The following TEX2 variants were observed in gnomAD, a reference collection of about 807,000 sequenced individuals.
TEX2 encodes the protein testis expressed 2, also known as testis-expressed protein 2.
In TEX2, 53 loss-of-function variants were observed where a neutral mutation model predicts 106.9. The observed-to-expected ratio is 0.50, with a 90% CI of 0.40 to 0.62. The LOEUF (loss-of-function observed/expected upper bound fraction) is 0.62, where lower values mean the gene tolerates loss of function less well. TEX2 is among the 20% of genes least tolerant of loss of function. The probability of loss-of-function intolerance (pLI) is 0.00; values close to 1 mark genes in which losing one functional copy is unlikely to be tolerated. For missense variants in TEX2, 1,207 were observed against 1,379.0 expected, an observed-to-expected ratio of 0.88 and a Z score of 1.98; for synonymous variants, 523 against 534.8, an observed-to-expected ratio of 0.98 and a Z score of 0.30.
chr17:64,243,989 A>G (rs1255773561), intron 1 of TEX2, among the ~76,000 whole-genome samples: 10 of 151,916 alleles, frequency 6.6e-5, no homozygotes, highest in African/African-American at 2.4e-4. Context: ...TTGTATTTTC[A>G]GTAGAGACGG....
At chr17:64,149,200 T>C in intron 11 of TEX2, 109 bp from the exon 12 acceptor site, 1 of 1,263,356 alleles carries the variant, frequency 7.9e-7, no homozygotes, top group Non-Finnish European at 1.1e-6. Context: ...AAAGTACATA[T>C]AAAAACTTGC....
At chr17:64,162,395 AT>A (rs1165771385) in intron 7 of TEX2, among the ~76,000 whole-genome samples, 2 of 152,222 alleles carry the variant, frequency 1.3e-5, no homozygotes, top group African/African-American at 4.8e-5. Context: ...GTTGTATAGT[AT>A]TTCCAGCTTT....
chr17:64,160,691 A>G, intron 8 of TEX2, 110 bp downstream of exon 8: 1 of 1,339,652 alleles, frequency 7.5e-7, no homozygotes, highest in South Asian at 1.4e-5. Context: ...CTTACACAGA[A>G]GCTCACTCAA....
intron 1 of TEX2, among the ~76,000 whole-genome samples, chr17:64,253,207 C>T (rs1163103837): frequency 6.6e-6 from 1 of 152,158 alleles, no homozygotes; most frequent in Non-Finnish European, 1.5e-5. Flanking sequence ...GGTGTGATCA[C>T]AGATCACTGC....
Position 64,195,046 on chromosome 17 carries a change from G to A in TEX2, c.1694C>T (p.Thr565Ile), listed in dbSNP as rs1413107907. ...YNYDPETYHA[T>I]LTHSVFVRLE... ...TCGAACAAAGACTGAATGTGTCAAA[G>A]TCGCATGGTAGGTTTCTGGATCATA... is the stretch of plus-strand genomic sequence containing the variant. The change falls in exon 3 of 12, where the codon ACT becomes ATT. Residue 565 changes from threonine (T) to isoleucine (I), a missense_variant. Transcript: ENST00000584379. This position sits in a 1 kb window ranked among gnomAD's most constrained non-coding sequence, Gnocchi z 4.1. The A allele has an allele frequency of 6.2e-7, 1 of 1,614,168 alleles. No individual in the cohort carries two copies. The highest frequency in any genetic ancestry group is 1.7e-5 in the Admixed American group (1 of 60,030).
Position 64,195,208 on chromosome 17 carries a change from C to A in TEX2, c.1645-113G>T, listed in dbSNP as rs2032430437. On this transcript the variant is annotated intron_variant, in intron 2 of 11. Coordinates refer to ENST00000584379, the MANE Select transcript of TEX2 (RefSeq NM_001288732.2). This position sits in a 1 kb window ranked among gnomAD's most constrained non-coding sequence, Gnocchi z 4.1. The stretch of plus-strand genomic sequence containing the variant: ...ACTGAAACCAAACTTGATCACGACA[C>A]AGATATCAGCTCACCAATGACTACA... 1.1e-6 allele frequency: 1 copy of A among 908,628 alleles called. No individual in the cohort carries two copies. Among genetic ancestry groups the A allele is most frequent in the Non-Finnish European group, 1.7e-6 (1 of 579,196 alleles). The allele number at this position is 908,628 out of a possible 1,614,324, so 56.3% of individuals were successfully genotyped here.
chr17:64,186,782 C>CGACACTGCACTCCAGCCTGGGT (rs1302898196), intron 5 of TEX2, among the ~76,000 whole-genome samples: 4 of 151,960 alleles, frequency 2.6e-5, no homozygotes, highest in African/African-American at 9.7e-5. Flanking sequence ...GCCATGTTCA[C>CGACACTGCACTCCAGCCTGGGT]GACACTGCAC....
chr17:64,188,401 G>A lies in TEX2; in HGVS notation c.2191C>T (p.His731Tyr), dbSNP rs375805658. 3.1e-6 allele frequency: 5 copies of A among 1,614,186 alleles called. No homozygotes were observed. The highest frequency in any genetic ancestry group is 1.7e-5 in the Admixed American group (1 of 60,030). ...CCGGACGGACTGTTGTGTCTGCTGT[G>A]TGCAGGCAAAAGCCCTGGAGCCAAG... ...SGGKPGLLPA[H>Y]SRHNSPSGHL... The change falls in exon 5 of 12, where the codon CAC becomes TAC. Residue 731 changes from histidine to tyrosine, a missense_variant. Transcript: ENST00000584379.
At chr17:64,172,572 C>G (rs528229550) in intron 6 of TEX2, among the ~76,000 whole-genome samples, 6 of 151,990 alleles carry the variant, frequency 3.9e-5, no homozygotes, top group South Asian at 2.1e-4. Context: ...ATTTGTCCCC[C>G]CCATCTACTG....
rs781890190 is a variant in TEX2 at position 64,212,853 on chromosome 17, G to A, written c.1365C>T (p.Val455=). Reference sequence around the variant, plus strand: ...AGTCCACCTCGTCCTCACTGTCAAGGACCACACCATCTTCCGCGAGCACCT... The same window carrying A: ...AGTCCACCTCGTCCTCACTGTCAAGAACCACACCATCTTCCGCGAGCACCT... ...KPEVLAEDGV[V]LDSEDEVDSA... The change falls in exon 2 of 12, where the codon GTC becomes GTT. Residue 455 remains valine (V), a synonymous_variant. Transcript: ENST00000584379. The A allele has an allele frequency of 1.2e-6, 2 of 1,614,026 alleles. No individual in the cohort carries two copies. Among genetic ancestry groups the A allele is most frequent in the East Asian group, 4.5e-5 (2 of 44,886 alleles).
At chr17:64,184,028 G>A (rs2031983162) in intron 5 of TEX2, among the ~76,000 whole-genome samples, 1 of 152,178 alleles carries the variant, frequency 6.6e-6, no homozygotes, top group Non-Finnish European at 1.5e-5. Flanking sequence ...TAATGATACT[G>A]AGCATCTTTT....
rs182738506 is a variant in TEX2, at chr17:64,167,541, G to A, written c.2671+3559C>T. 1.7e-3 allele frequency among the ~76,000 whole-genome samples: 254 copies of A among 152,226 alleles called. 2 individuals are homozygous for A. The highest frequency in any genetic ancestry group is 3.4e-3 in the Middle Eastern group (1 of 294). ...TGCTGTAAGAATCCCTGTTTGAGCTGGGCGCAGTGGCTCATGCATGTAATC... is the reference window on the plus strand; with the variant it reads ...TGCTGTAAGAATCCCTGTTTGAGCTAGGCGCAGTGGCTCATGCATGTAATC... On this transcript the variant is annotated intron_variant, in intron 7 of 11. Transcript: ENST00000584379.
chr17:64,204,836 T>C (rs1310441950), intron 2 of TEX2, among the ~76,000 whole-genome samples: 21 of 152,166 alleles, frequency 1.4e-4, no homozygotes, highest in African/African-American at 5.1e-4. Context: ...TGTACTTATA[T>C]ATAGGTAACC....
chr17:64,251,071 T>C (rs2034081444), intron 1 of TEX2, among the ~76,000 whole-genome samples: 1 of 152,168 alleles, frequency 6.6e-6, no homozygotes, highest in East Asian at 1.9e-4. Flanking sequence ...CTTACAGGAT[T>C]TTCCTTTGGG....
intron 2 of TEX2, among the ~76,000 whole-genome samples, chr17:64,202,851 G>C (rs1400439985): frequency 6.6e-6 from 1 of 152,126 alleles, no homozygotes; most frequent in Non-Finnish European, 1.5e-5. Flanking sequence ...TGTTAAAATG[G>C]ACACAGTGCA....
chr17:64,219,532 T>TAAAAG (rs1430384138), intron 1 of TEX2, among the ~76,000 whole-genome samples: 1 of 147,118 alleles, frequency 6.8e-6, no homozygotes, highest in Non-Finnish European at 1.5e-5. Flanking sequence ...TAAAATAAAA[T>TAAAAG]AAAATAAAAT....
rs1555632220 is a variant in TEX2, at chr17:64,213,985, T to C, written c.233A>G (p.Glu78Gly). ...GLEAKEDLYLEPQVGHDPAGP... is the reference protein window; with the variant it reads ...GLEAKEDLYLGPQVGHDPAGP... ...GGCGGGGTCATGGCCAACTTGGGGT[T>C]CAAGATAGAGGTCTTCCTTGGCTTC... The change falls in exon 2 of 12, where the codon GAA becomes GGA. Residue 78 changes from glutamate to glycine, a missense_variant. By Grantham distance (98) the Glu-to-Gly change is moderately conservative. Coordinates refer to ENST00000584379, the MANE Select transcript of TEX2 (RefSeq NM_001288732.2). This position sits in a 1 kb window ranked among gnomAD's most constrained non-coding sequence, Gnocchi z 4.4. 8 of 1,614,126 alleles carry C rather than the reference T, an allele frequency of 5.0e-6. No homozygotes were observed. The highest frequency in any genetic ancestry group is 1.3e-5 in the African/African-American group (1 of 75,016).
Position 64,153,428 on chromosome 17 carries a change from C to T in TEX2, c.2931-274G>A, listed in dbSNP as rs537460233. On this transcript the variant is annotated intron_variant, in intron 9 of 11. Coordinates refer to ENST00000584379, the MANE Select transcript of TEX2 (RefSeq NM_001288732.2). The surrounding 1 kb of genome is among the most constrained non-coding windows in gnomAD (Gnocchi z 4.1). ...TGTCCTCTGGGGGGCCAAATCACCCCCAGTTGAGAACTACTACTTCAGAGA... is the reference window on the plus strand; with the variant it reads ...TGTCCTCTGGGGGGCCAAATCACCCTCAGTTGAGAACTACTACTTCAGAGA... 2.3e-4 allele frequency among the ~76,000 whole-genome samples: 34 copies of T among 146,436 alleles called. No homozygotes were observed. The highest frequency in any genetic ancestry group is 8.3e-4 in the African/African-American group (33 of 39,678).
At position 64,160,840 on chromosome 17, in the gene TEX2, A is replaced by G; in HGVS notation, c.2765T>C (p.Leu922Pro). The G allele has an allele frequency of 1.2e-6, 2 of 1,614,150 alleles. No homozygotes were observed. The highest frequency in any genetic ancestry group is 1.7e-6 in the Non-Finnish European group (2 of 1,180,020). Residue 922 changes from leucine (L) to proline (P), a missense_variant, in exon 8 of 12, where the codon CTT becomes CCT. Around this residue, in one of 3 missense-constraint regions of TEX2, gnomAD observed 1,067 missense variants for 1,193.6 expected, o/e 0.89. Transcript: ENST00000584379. ...MNLTKLGKEP[L>P]VEALKVGEIG... ...TTCTCCAACCTTCAGGGCTTCAACA[A>G]GAGGCTCTTTACCTAGTTTGGTCAA... is the stretch of plus-strand genomic sequence containing the variant.
Sources: gnomAD v4.1 joint callset for allele counts (sites outside exome capture counted in the v4.1 genomes callset) on GRCh38, gnomAD v4.1.1 for gene constraint, gnomAD v4.1.1 regional missense constraint, Gnocchi (gnomAD v3.1) non-coding constraint, MANE v1.5 for transcripts, NCBI Gene and HGNC (gene_info 2026-07-23, HGNC 2026-07-21) for gene names.